FBXO25: variants seen among roughly 807,000 people sequenced by gnomAD.
FBXO25 encodes the protein F-box only protein 25.
FBXO25 carries 45 observed loss-of-function variants against 51.9 expected under a neutral mutation model. The observed-to-expected ratio is 0.87, with a 90% CI of 0.68 to 1.11. The LOEUF is 1.11. FBXO25 is among the 50% of genes most tolerant of loss of function. The pLI, the probability that FBXO25 is intolerant of heterozygous loss-of-function variation, is 0.00. For missense variants in FBXO25, 507 were observed against 428.5 expected (o/e 1.18, Z -1.62); for synonymous variants, 199 against 151.0 (o/e 1.32, Z -2.33).
At chr8:465,804 G>A (rs1424966010) in intron 9 of FBXO25, among the ~76,000 whole-genome samples, 1 of 152,160 alleles carries the variant, frequency 6.6e-6, no homozygotes, top group Non-Finnish European at 1.5e-5. Context: ...TGGATTACAG[G>A]TGCTCCATGT....
intron 8 of FBXO25, among the ~76,000 whole-genome samples, chr8:459,806 AG>A (rs1298875387): frequency 2.6e-5 from 4 of 152,106 alleles, no homozygotes; most frequent in Admixed American, 2.6e-4. Flanking sequence ...CCCAATGTTG[AG>A]GGATAGAATG....
intron 2 of FBXO25, among the ~76,000 whole-genome samples, chr8:416,533 A>G (rs149486337): frequency 6.6e-6 from 1 of 152,172 alleles, no homozygotes; most frequent in Non-Finnish European, 1.5e-5. Context: ...GGGTAGAGTC[A>G]TAGGGATTTT....
rs548277408 is a variant in FBXO25 at position 432,071 on chromosome 8, C to T, written c.238+627C>T. On this transcript the variant is annotated intron_variant, in intron 3 of 9. Coordinates refer to ENST00000350302, the MANE Select transcript of FBXO25 (RefSeq NM_183420.2). ...TAAATTAGGTGCAGTAAGAGATTAACGAGAATAATAAAATGAAACAGTTAT... is the reference window on the plus strand; with the variant it reads ...TAAATTAGGTGCAGTAAGAGATTAATGAGAATAATAAAATGAAACAGTTAT... Among the ~76,000 whole-genome samples the T allele has an allele frequency of 2.6e-5, 4 of 152,096 alleles. No individual in the cohort carries two copies. The South Asian group carries it at 8.3e-4, about 32-fold the overall frequency.
chr8:458,395 T>C lies in FBXO25; in HGVS notation c.687T>C (p.Ser229=). 1 of 1,614,042 alleles carries C rather than the reference T, an allele frequency of 6.2e-7. No individual in the cohort carries two copies. Among genetic ancestry groups the C allele is most frequent in the Non-Finnish European group, 8.5e-7 (1 of 1,179,954 alleles). ...AAGTGAACAATGGCCTCACCCTCAG[T>C]GACCTTCCTCTGCACATGCTGAACA... The part of the protein sequence containing the change: ...TKQVNNGLTL[S]DLPLHMLNNI... The change falls in exon 8 of 10, where the codon AGT becomes AGC. Residue 229 remains serine (S), a synonymous_variant. Coordinates refer to ENST00000350302, the MANE Select transcript of FBXO25 (RefSeq NM_183420.2).
intron 2 of FBXO25, among the ~76,000 whole-genome samples, chr8:427,193 T>C (rs1351790323): frequency 6.6e-6 from 1 of 152,122 alleles, no homozygotes; most frequent in East Asian, 1.9e-4. Context: ...AGAGCAGAGA[T>C]TGTAGCTCCC....
rs185269344 is a variant in FBXO25 at position 430,733 on chromosome 8, T to G, written c.135-608T>G. Among the ~76,000 whole-genome samples the G allele has an allele frequency of 1.1e-3, 162 of 152,360 alleles. 1 individual carries two copies. Among genetic ancestry groups the G allele is most frequent in the African/African-American group, 3.5e-3 (146 of 41,588 alleles). On this transcript the variant is annotated intron_variant, in intron 2 of 9. Transcript: ENST00000350302. ...AAAAAGTAAAAGGTGTTCCCATTGT[T>G]TAGTTATTGCCTTATGATTTGATTT...
rs1410821850 is a variant in FBXO25 at position 476,193 on chromosome 8, C to T, written c.*7389C>T. On this transcript the variant is annotated 3_prime_UTR_variant, in exon 10 of 10. Coordinates refer to ENST00000350302, the MANE Select transcript of FBXO25 (RefSeq NM_183420.2). ...TATTGACTTGAGCATGTTGAAACAT[C>T]TTTGCATACCAGCTGTAAATCTTAC... The T allele has an allele frequency of 6.6e-6, 1 of 152,086 alleles. No homozygotes were observed. The highest frequency in any genetic ancestry group is 1.5e-5 in the Non-Finnish European group (1 of 68,022). The allele number at this position is 152,086 out of a possible 1,614,324, so 9.4% of individuals were successfully genotyped here. A position where few individuals can be genotyped will look rare whatever the true frequency, so the allele number is the denominator to read the frequency against.
At chr8:428,454 A>G (rs1262306828) in intron 2 of FBXO25, among the ~76,000 whole-genome samples, 1 of 147,346 alleles carries the variant, frequency 6.8e-6, no homozygotes, top group Non-Finnish European at 1.5e-5. Context: ...TCCCTCGGAC[A>G]TGCACCTCAG....
intron 5 of FBXO25, among the ~76,000 whole-genome samples, chr8:449,031 G>T (rs537527242): frequency 6.6e-6 from 1 of 152,328 alleles, no homozygotes; most frequent in East Asian, 1.9e-4. Flanking sequence ...CAAACATGCT[G>T]TGTCTATACA....
Position 475,050 on chromosome 8 carries a change from T to C in FBXO25, c.*6246T>C, listed in dbSNP as rs537884894. 1.3e-4 allele frequency: 50 copies of C among 398,652 alleles called. No individual in the cohort carries two copies. Among genetic ancestry groups the C allele is most frequent in the Non-Finnish European group, 2.1e-4 (44 of 205,614 alleles). The allele number at this position is 398,652 out of a possible 1,614,324, so 24.7% of individuals were successfully genotyped here. On this transcript the variant is annotated 3_prime_UTR_variant, in exon 10 of 10. Coordinates refer to ENST00000350302, the MANE Select transcript of FBXO25 (RefSeq NM_183420.2). ...TAAGAAATCACTGCCAAATCCAATG[T>C]TGTTAAAAGTTTCCCTTATGTTTCT...
intron 7 of FBXO25, among the ~76,000 whole-genome samples, chr8:454,904 G>GAAA (rs371095638): frequency 6.9e-5 from 9 of 130,966 alleles, no homozygotes; most frequent in Non-Finnish European, 1.1e-4. Flanking sequence ...AAAAGAAAAA[G>GAAA]AAAAAGAAAA....
chr8:425,954 G>A (rs1315281683), intron 2 of FBXO25, among the ~76,000 whole-genome samples: 1 of 145,726 alleles, frequency 6.9e-6, no homozygotes, highest in African/African-American at 2.6e-5. Context: ...AGTTTCTTTG[G>A]TTGGCTCCCC....
chr8:462,755 G>T (rs1026323787), intron 8 of FBXO25, among the ~76,000 whole-genome samples: 2 of 152,108 alleles, frequency 1.3e-5, no homozygotes, highest in Non-Finnish European at 2.9e-5. Flanking sequence ...AGAGGGAAGG[G>T]TAGGAGGAGG....
chr8:437,694 C>T (rs945614414), intron 5 of FBXO25, among the ~76,000 whole-genome samples: 1 of 152,140 alleles, frequency 6.6e-6, no homozygotes, highest in African/African-American at 2.4e-5. Flanking sequence ...CCTCCCTGGC[C>T]CATGCCCAGT....
chr8:421,488 A>G (rs913492443), intron 2 of FBXO25, among the ~76,000 whole-genome samples: 2 of 152,214 alleles, frequency 1.3e-5, no homozygotes, highest in African/African-American at 2.4e-5. Flanking sequence ...ATGGGTTAGC[A>G]ATCTCAAAAC....
rs1476436752 is a variant in FBXO25, at chr8:475,400, C to G, written c.*6596C>G. 1 of 154,874 alleles carries G rather than the reference C, an allele frequency of 6.5e-6. No homozygotes were observed. Among genetic ancestry groups the G allele is most frequent in the South Asian group, 2.0e-4 (1 of 4,962 alleles). The allele number at this position is 154,874 out of a possible 1,614,324, so 9.6% of individuals were successfully genotyped here. On this transcript the variant is annotated 3_prime_UTR_variant, in exon 10 of 10. Coordinates refer to ENST00000350302, the MANE Select transcript of FBXO25 (RefSeq NM_183420.2). The stretch of plus-strand genomic sequence containing the variant: ...AGAGACCTCCTACTTGGTTCCCTTT[C>G]AAGATGATTTTGGCTGTGTGAGGTC...
intron 2 of FBXO25, among the ~76,000 whole-genome samples, chr8:415,480 G>C (rs1189998984): frequency 6.6e-6 from 1 of 152,176 alleles, no homozygotes; most frequent in Non-Finnish European, 1.5e-5. Context: ...ACCTAAGTAA[G>C]CCTTTTATTA....
chr8:462,711 T>C (rs1799891555), intron 8 of FBXO25, among the ~76,000 whole-genome samples: 1 of 152,066 alleles, frequency 6.6e-6, no homozygotes, highest in Non-Finnish European at 1.5e-5. Context: ...CACAAAGGCA[T>C]TCAGAGAGGT....
At chr8:468,140 G>C (rs1800307058) in intron 9 of FBXO25, 1 of 1,037,016 alleles carries the variant, frequency 9.6e-7, no homozygotes. Context: ...TAATTTTTCT[G>C]TCGTCACTTC....
Sources: gnomAD v4.1 joint callset for allele counts (sites outside exome capture counted in the v4.1 genomes callset) on GRCh38, gnomAD v4.1.1 for gene constraint, MANE v1.5 for transcripts, NCBI Gene and HGNC (gene_info 2026-07-23, HGNC 2026-07-21) for gene names.